The following CKAP5 variants were observed in gnomAD, a reference collection of about 807,000 sequenced individuals.
CKAP5 encodes the protein cytoskeleton associated protein 5.
In CKAP5, 27 loss-of-function variants were observed where a neutral mutation model predicts 232.8. The observed-to-expected ratio is 0.12, with a 90% CI of 0.09 to 0.16. The LOEUF is 0.16. Among genes scored for constraint, CKAP5 ranks in the 10% least tolerant of loss-of-function variants. The pLI is 1.00. For missense variants in CKAP5, 1,838 were observed against 2,424.7 expected, an observed-to-expected ratio of 0.76 and a Z score of 5.08; for synonymous variants, 785 against 841.1, an observed-to-expected ratio of 0.93 and a Z score of 1.16.
intron 1 of CKAP5, among the ~76,000 whole-genome samples, chr11:46,827,628 G>C (rs1234780695): frequency 6.6e-6 from 1 of 151,654 alleles, no homozygotes; most frequent in Non-Finnish European, 1.5e-5. Context: ...CTCTATAAAA[G>C]AAAAAAAGAA....
At chr11:46,757,017 G>A (rs1055415228) in intron 35 of CKAP5, among the ~76,000 whole-genome samples, 1 of 149,718 alleles carries the variant, frequency 6.7e-6, no homozygotes, top group Admixed American at 6.7e-5. Flanking sequence ...TGCCCACCTC[G>A]GCCTCCCAAA....
chr11:46,750,761 C>G (rs2065057977), intron 40 of CKAP5, 150 bp from the exon 41 acceptor site: 3 of 652,800 alleles, frequency 4.6e-6, no homozygotes, highest in Non-Finnish European at 7.9e-6. Context: ...GCAGGTCTTG[C>G]AGCAGAAGCA....
intron 11 of CKAP5, 152 bp from the exon 12 acceptor site, chr11:46,797,092 T>C: frequency 1.1e-6 from 1 of 876,118 alleles, no homozygotes; most frequent in Non-Finnish European, 1.7e-6. Flanking sequence ...TGACAGTTAC[T>C]CTTTCAAAAA....
chr11:46,783,151 T>A lies in CKAP5; in HGVS notation c.2249+123A>T, dbSNP rs186036196. Reference sequence around the variant, plus strand: ...AGAACAAAGGTAATTTTCTTTTATATAAATGAGACAATCCAGCTCTCACTC... The same window carrying A: ...AGAACAAAGGTAATTTTCTTTTATAAAAATGAGACAATCCAGCTCTCACTC... On this transcript the variant is annotated intron_variant, in intron 18 of 43. Coordinates refer to ENST00000529230, the MANE Select transcript of CKAP5 (RefSeq NM_001008938.4). The A allele has an allele frequency of 2.7e-5, 15 of 547,356 alleles. No homozygotes were observed. The East Asian group carries it at 4.7e-4, about 17-fold the overall frequency. The allele number at this position is 547,356 out of a possible 1,614,324, so 33.9% of individuals were successfully genotyped here.
In CKAP5 at chr11:46,807,918, C is replaced by A. The variant is rs182172511; in HGVS notation, c.978+113G>T. The A allele has an allele frequency of 2.6e-4, 171 of 648,278 alleles. No individual in the cohort carries two copies. In the East Asian group the frequency reaches 3.7e-3, roughly 14 times the overall value. The allele number at this position is 648,278 out of a possible 1,614,324, so 40.2% of individuals were successfully genotyped here. On this transcript the variant is annotated intron_variant, in intron 8 of 43. Transcript: ENST00000529230. ...AAATGTATGTCTGTAATTCAAATAC[C>A]ATCAGTAATGTTCCTTAAGTGGCAA...
chr11:46,765,296 C>A, intron 27 of CKAP5, 40 bp from the exon 28 acceptor site: 1 of 1,550,244 alleles, frequency 6.5e-7, no homozygotes, highest in South Asian at 1.3e-5. Context: ...AGCTTGGCCA[C>A]TTCTCCTTAA....
rs1380161496 is a variant in CKAP5 at position 46,801,436 on chromosome 11, AAGGTGGGTGGACCACCTG to A, written c.979-150_979-133del. The A allele has an allele frequency of 9.9e-6, 6 of 608,904 alleles. No individual in the cohort carries two copies. In the East Asian group the frequency reaches 2.0e-4, roughly 20 times the overall value. 37.7% of individuals were successfully genotyped at this position (608,904 alleles called of 1,614,324 possible). The stretch of plus-strand genomic sequence containing the variant: ...TGTAATCCCAGCACTTTGGGAGGCC[AAGGTGGGTGGACCACCTG>A]AGGTCAGGAGTTTGAGATCAGCCTG... On this transcript the variant is annotated intron_variant, in intron 8 of 43. Coordinates refer to ENST00000529230, the MANE Select transcript of CKAP5 (RefSeq NM_001008938.4).
At chr11:46,797,681 C>T (rs1938912034) in intron 11 of CKAP5, 124 bp downstream of exon 11, 1 of 921,378 alleles carries the variant, frequency 1.1e-6, no homozygotes, top group Admixed American at 2.9e-5. Flanking sequence ...GCTGCAAAGG[C>T]TCTGCTCCTC....
chr11:46,807,944 T>C (rs1939193305), intron 8 of CKAP5, 87 bp downstream of exon 8: 2 of 851,052 alleles, frequency 2.4e-6, no homozygotes, highest in South Asian at 1.6e-5. Flanking sequence ...TAAGTGGCAA[T>C]GTATGTGTAA....
chr11:46,819,015 A>G (rs776285782), intron 2 of CKAP5, among the ~76,000 whole-genome samples: 1 of 152,166 alleles, frequency 6.6e-6, no homozygotes, highest in East Asian at 1.9e-4. Flanking sequence ...ATAAAAATCA[A>G]TTCAGCTCTG....
At chr11:46,777,632 G>T in intron 22 of CKAP5, 80 bp from the exon 23 acceptor site, 1 of 873,554 alleles carries the variant, frequency 1.1e-6, no homozygotes, top group Non-Finnish European at 1.9e-6. Context: ...CTGCTATACT[G>T]TCAATACAGC....
At chr11:46,768,220 G>A (rs2065220090) in intron 26 of CKAP5, among the ~76,000 whole-genome samples, 1 of 151,944 alleles carries the variant, frequency 6.6e-6, no homozygotes, top group African/African-American at 2.4e-5. Flanking sequence ...GTTTAGACAG[G>A]GTTTCTGTCA....
intron 42 of CKAP5, among the ~76,000 whole-genome samples, chr11:46,744,809 C>T (rs762079553): frequency 1.3e-5 from 2 of 152,154 alleles, no homozygotes; most frequent in Non-Finnish European, 2.9e-5. Flanking sequence ...ATTGGGTCAT[C>T]CATCTGCATC....
intron 1 of CKAP5, among the ~76,000 whole-genome samples, 191 bp from the exon 2 acceptor site, chr11:46,821,459 C>T (rs976722794): frequency 2.4e-5 from 3 of 126,362 alleles, no homozygotes; most frequent in African/African-American, 9.2e-5. Flanking sequence ...GAGTCTCGCT[C>T]TGTCACCCAG....
Position 46,776,373 on chromosome 11 carries a change from C to A in CKAP5, c.2873G>T (p.Arg958Leu). Reference protein sequence around the residue: ...TVLGDSKNNVRAAALATVNAW... With the variant: ...TVLGDSKNNVLAAALATVNAW... ...ATTCACAGTCGCTAGGGCAGCAGCT[C>A]GAACATTGTTCTAAATGGAGAAGAT... Residue 958 changes from arginine (R) to leucine (L), a missense_variant, in exon 24 of 44, where the codon CGA (arginine) becomes CTA (leucine). Coordinates refer to ENST00000529230, the MANE Select transcript of CKAP5 (RefSeq NM_001008938.4). 6.2e-7 allele frequency: 1 copy of A among 1,610,516 alleles called. No homozygotes were observed. The highest frequency in any genetic ancestry group is 8.5e-7 in the Non-Finnish European group (1 of 1,178,378).
intron 8 of CKAP5, among the ~76,000 whole-genome samples, chr11:46,805,244 T>C (rs1171358948): frequency 6.6e-6 from 1 of 151,300 alleles, no homozygotes; most frequent in Non-Finnish European, 1.5e-5. Flanking sequence ...CAAAAATAAA[T>C]ACATCAATTA....
rs780130631 is a variant in CKAP5 at position 46,765,240 on chromosome 11, T to A, written c.3428A>T (p.Lys1143Met). The change falls in exon 28 of 44, where the codon AAG (lysine) becomes ATG (methionine). Residue 1143 changes from lysine to methionine, a missense_variant. Lys to Met is a moderately conservative substitution (Grantham distance 95, BLOSUM62 -1). Transcript: ENST00000529230. ...CTTTAAGCTGGTTTTGCTTGGCATC[T>A]TCTTCCCTTGTGCACTCTACAACCA... ...SSKAKSAQGKKMPSKTSLKED... is the reference protein window; with the variant it reads ...SSKAKSAQGKMMPSKTSLKED... 1.2e-6 allele frequency: 2 copies of A among 1,612,566 alleles called. No homozygotes were observed. The highest frequency in any genetic ancestry group is 2.2e-5 in the South Asian group (2 of 90,790).
chr11:46,830,198 T>C (rs968332520), intron 1 of CKAP5, among the ~76,000 whole-genome samples: 6 of 151,726 alleles, frequency 4.0e-5, no homozygotes, highest in Non-Finnish European at 8.8e-5. Flanking sequence ...TCCCAGAACT[T>C]TGGGAGTCCA....
intron 13 of CKAP5, among the ~76,000 whole-genome samples, chr11:46,792,370 T>C (rs1262587032): frequency 2.0e-5 from 3 of 151,986 alleles, no homozygotes; most frequent in Non-Finnish European, 1.5e-5. Flanking sequence ...CTGGACGACA[T>C]GGTGAAATCT....
Sources: gnomAD v4.1 joint callset for allele counts (sites outside exome capture counted in the v4.1 genomes callset) on GRCh38, gnomAD v4.1.1 for gene constraint, MANE v1.5 for transcripts, NCBI Gene and HGNC (gene_info 2026-07-23, HGNC 2026-07-21) for gene names.